TADA2A: variants seen among roughly 807,000 people sequenced by gnomAD.
The protein encoded by TADA2A is transcriptional adapter 2-alpha.
TADA2A carries 38 observed loss-of-function variants against 67.4 expected under a neutral mutation model. The observed-to-expected ratio is 0.56, with a 90% CI of 0.44 to 0.74. The LOEUF (loss-of-function observed/expected upper bound fraction) is 0.74, where lower values mean the gene tolerates loss of function less well. Ranked by LOEUF, TADA2A falls within the 30% of genes least tolerant of loss-of-function variation. The pLI is 0.00. For missense variants in TADA2A, 454 were observed against 547.0 expected (o/e 0.83, Z 1.70); for synonymous variants, 192 against 181.6 (o/e 1.06, Z -0.46).
At chr17:37,418,032 A>G (rs1319729669) in intron 2 of TADA2A, among the ~76,000 whole-genome samples, 2 of 152,228 alleles carry the variant, frequency 1.3e-5, no homozygotes, top group Admixed American at 6.6e-5. Flanking sequence ...CTGTGCATAT[A>G]CAAATGCAGA....
intron 10 of TADA2A, among the ~76,000 whole-genome samples, chr17:37,464,324 C>CT (rs1172921742): frequency 6.6e-6 from 1 of 152,188 alleles, no homozygotes; most frequent in Non-Finnish European, 1.5e-5. Context: ...GAAAAAAATA[C>CT]TTACCTTGCT....
chr17:37,467,410 T>C, intron 11 of TADA2A, 44 bp from the exon 12 acceptor site: 1 of 1,562,984 alleles, frequency 6.4e-7, no homozygotes, highest in Non-Finnish European at 8.8e-7. Flanking sequence ...TAATGTTGCT[T>C]TTGTTTTTGT....
chr17:37,449,466 A>T (rs1486094665), intron 8 of TADA2A, among the ~76,000 whole-genome samples: 1 of 152,178 alleles, frequency 6.6e-6, no homozygotes, highest in Non-Finnish European at 1.5e-5. Context: ...TATGAGTTGC[A>T]TATTATTATT....
chr17:37,462,119 A>G lies in TADA2A; in HGVS notation c.710A>G (p.Gln237Arg). 1.3e-6 allele frequency: 2 copies of G among 1,550,654 alleles called. No individual in the cohort carries two copies. Among genetic ancestry groups the G allele is most frequent in the Non-Finnish European group, 1.8e-6 (2 of 1,133,644 alleles). ...DHGLINLRKF[Q>R]LMERRYPKEV... ...GGATTAATCAACCTTAGAAAGTTTC[A>G]ATGTAAGTATTAGCAGTTTTCTTTA... is the stretch of plus-strand genomic sequence containing the variant. The change falls in exon 10 of 16, where the codon CAA becomes CGA. Residue 237 changes from glutamine to arginine, a missense_variant and splice_region_variant. Physicochemically the swap from Gln to Arg is conservative, Grantham distance 43. This residue lies in a region of TADA2A where 403 missense variants were observed against 455.5 expected (regional missense o/e 0.88). Transcript: ENST00000615182.
chr17:37,470,460 T>G lies in TADA2A; in HGVS notation c.956T>G (p.Met319Arg). The change falls in exon 13 of 16, where the codon ATG (methionine) becomes AGG (arginine). Residue 319 changes from methionine (M) to arginine (R), a missense_variant. By Grantham distance (91) the Met-to-Arg change is moderately conservative. Coordinates refer to ENST00000615182, the MANE Select transcript of TADA2A (RefSeq NM_001166105.3). ...TREEERLKRT[M>R]LSEVLQYIQD... ...GAGGAAGAGCGCCTTAAACGCACTA[T>G]GCTCTCAGAAGTTCTCCAGTATATC... is the stretch of plus-strand genomic sequence containing the variant. The G allele has an allele frequency of 6.2e-7, 1 of 1,612,326 alleles. No individual in the cohort carries two copies. Among genetic ancestry groups the G allele is most frequent in the Non-Finnish European group, 8.5e-7 (1 of 1,179,426 alleles).
intron 4 of TADA2A, among the ~76,000 whole-genome samples, chr17:37,435,358 G>C (rs776548888): frequency 6.6e-6 from 1 of 152,084 alleles, no homozygotes; most frequent in African/African-American, 2.4e-5. Flanking sequence ...GCGCCATCTC[G>C]GCTCACCGCA....
At position 37,440,851 on chromosome 17, in the gene TADA2A, T is replaced by C. The variant is rs553309194; in HGVS notation, c.442+189T>C. ...GGCTTGTGCCTGTAATCCCAGCACC[T>C]TGGGAGGCTGAGGCGGGTAAATCAC... On this transcript the variant is annotated intron_variant, in intron 6 of 15. Transcript: ENST00000615182. Among the ~76,000 whole-genome samples, 32 of 152,278 alleles carry C rather than the reference T, an allele frequency of 2.1e-4. No individual in the cohort carries two copies. In the South Asian group the frequency reaches 6.2e-3, roughly 30 times the overall value.
intron 4 of TADA2A, among the ~76,000 whole-genome samples, chr17:37,431,486 T>G (rs1333908905): frequency 6.6e-6 from 1 of 152,162 alleles, no homozygotes; most frequent in Non-Finnish European, 1.5e-5. Flanking sequence ...ATAATGGTAA[T>G]AAATTTCCGT....
At chr17:37,476,576 C>A (rs897986927) in intron 15 of TADA2A, among the ~76,000 whole-genome samples, 1 of 152,182 alleles carries the variant, frequency 6.6e-6, no homozygotes, top group African/African-American at 2.4e-5. Context: ...GCTAAAGGCT[C>A]TTCTAGTATC....
At position 37,479,605 on chromosome 17, in the gene TADA2A, G is replaced by A. The variant is rs546085807; in HGVS notation, c.*2623G>A. 12 of 152,224 alleles carry A rather than the reference G, an allele frequency of 7.9e-5. No individual in the cohort carries two copies. The East Asian group carries it at 1.7e-3, about 22-fold the overall frequency. 9.4% of individuals were successfully genotyped at this position (152,224 alleles called of 1,614,324 possible). A position where few individuals can be genotyped will look rare whatever the true frequency, so the allele number is the denominator to read the frequency against. Reference sequence around the variant, plus strand: ...GAGAGAGTTTACCCTGAAACTTAATGACATGAATAAAACCTGTTTACTGAA... The same window carrying A: ...GAGAGAGTTTACCCTGAAACTTAATAACATGAATAAAACCTGTTTACTGAA... On this transcript the variant is annotated 3_prime_UTR_variant, in exon 16 of 16. Transcript: ENST00000615182.
At chr17:37,466,030 TGTG>T (rs2053657557) in intron 11 of TADA2A, among the ~76,000 whole-genome samples, 1 of 152,224 alleles carries the variant, frequency 6.6e-6, no homozygotes, top group African/African-American at 2.4e-5. Context: ...ATGGATAGCT[TGTG>T]GAGATAGTAC....
chr17:37,474,721 T>G, intron 15 of TADA2A, 92 bp downstream of exon 15: 6 of 1,366,680 alleles, frequency 4.4e-6, no homozygotes, highest in Non-Finnish European at 6.1e-6. Flanking sequence ...CAAACCCCTT[T>G]TGTTTCATTC....
intron 2 of TADA2A, among the ~76,000 whole-genome samples, chr17:37,413,745 T>TCC (rs201640503): frequency 6.6e-6 from 1 of 151,124 alleles, no homozygotes; most frequent in Non-Finnish European, 1.5e-5. Context: ...AAAAGATGAT[T>TCC]CCCCCCCCAC....
chr17:37,418,931 G>A (rs779049798), intron 2 of TADA2A, among the ~76,000 whole-genome samples: 4 of 145,268 alleles, frequency 2.8e-5, no homozygotes, highest in Non-Finnish European at 4.6e-5. Context: ...GGGTCTTGCA[G>A]TATTGCCCAG....
intron 1 of TADA2A, among the ~76,000 whole-genome samples, chr17:37,409,439 C>A (rs974969536): frequency 2.6e-5 from 4 of 152,162 alleles, no homozygotes; most frequent in Admixed American, 6.6e-5. Flanking sequence ...AGAAGTAATA[C>A]TCACAAAGTA....
chr17:37,460,367 T>G (rs1401773625), intron 9 of TADA2A, among the ~76,000 whole-genome samples: 3 of 152,074 alleles, frequency 2.0e-5, no homozygotes, highest in African/African-American at 7.2e-5. Flanking sequence ...TGCCTCAGCC[T>G]CCCAAGAAGC....
chr17:37,440,900 G>C (rs1270704909), intron 6 of TADA2A, among the ~76,000 whole-genome samples: 1 of 152,110 alleles, frequency 6.6e-6, no homozygotes, highest in Non-Finnish European at 1.5e-5. Flanking sequence ...TTCAAGACCA[G>C]CCTGGCCAAC....
intron 1 of TADA2A, among the ~76,000 whole-genome samples, chr17:37,410,690 T>A (rs1393273073): frequency 6.6e-6 from 1 of 152,230 alleles, no homozygotes; most frequent in African/African-American, 2.4e-5. Context: ...ATTCTTTGAA[T>A]GAATTCTAGT....
chr17:37,411,852 A>G (rs2051883542), intron 2 of TADA2A, among the ~76,000 whole-genome samples: 1 of 141,758 alleles, frequency 7.1e-6, no homozygotes, highest in Non-Finnish European at 1.6e-5. Flanking sequence ...TCAAAATAAA[A>G]TCAATTAATA....
Sources: gnomAD v4.1 joint callset for allele counts (sites outside exome capture counted in the v4.1 genomes callset) on GRCh38, gnomAD v4.1.1 for gene constraint, gnomAD v4.1.1 regional missense constraint, MANE v1.5 for transcripts, NCBI Gene and HGNC (gene_info 2026-07-23, HGNC 2026-07-21) for gene names.